ZNF536: variants seen among roughly 807,000 people sequenced by gnomAD.
The protein encoded by ZNF536 is zinc finger protein 536.
A neutral mutation model predicts 84.5 loss-of-function variants in ZNF536; 13 were observed. The ratio of observed to expected loss-of-function variants is 0.15; its 90% CI spans 0.10 to 0.24. The LOEUF (loss-of-function observed/expected upper bound fraction) is 0.24, where lower values mean the gene tolerates loss of function less well. ZNF536 is among the 10% of genes least tolerant of loss of function. The pLI is 1.00. For synonymous variants in ZNF536, 811 were observed against 742.5 expected, an observed-to-expected ratio of 1.09 and a Z score of -1.50; for missense variants, 1,536 against 1,747.5, an observed-to-expected ratio of 0.88 and a Z score of 2.16.
chr19:30,264,093 T>C (rs1173214415), intron 1 of ZNF536, among the ~76,000 whole-genome samples: 1 of 152,228 alleles, frequency 6.6e-6, no homozygotes, highest in African/African-American at 2.4e-5. Context: ...CAGCTCTGTG[T>C]TGACTTCTAA....
intron 1 of ZNF536, among the ~76,000 whole-genome samples, chr19:30,599,647 A>G (rs1000009871): frequency 6.6e-6 from 1 of 151,964 alleles, no homozygotes; most frequent in Non-Finnish European, 1.5e-5. Context: ...CTCCCTTTAC[A>G]AGACAAGGCA....
chr19:30,238,895 G>A (rs977539671), intron 1 of ZNF536, among the ~76,000 whole-genome samples: 3 of 152,052 alleles, frequency 2.0e-5, no homozygotes, highest in Admixed American at 6.6e-5. Context: ...GCATACTGGT[G>A]TATATTCAAG....
chr19:30,549,475 A>C lies in ZNF536; in HGVS notation c.3856A>C (p.Thr1286Pro), dbSNP rs1257346923. ...AGCCTTTAACGGACTTGCAAGTAGC[A>C]CAGCAAATTCTGGATGTATCAAGAG... ...LAAFNGLASS[T>P]ANSGCIKRPD... The change falls in exon 4 of 5, where the codon ACA becomes CCA. Residue 1286 changes from threonine to proline, a missense_variant. By Grantham distance (38) the Thr-to-Pro change is conservative (BLOSUM62 -1). Transcript: ENST00000355537. 1.6e-5 allele frequency: 24 copies of C among 1,518,782 alleles called. No homozygotes were observed. The highest frequency in any genetic ancestry group is 1.9e-5 in the Non-Finnish European group (22 of 1,134,112). The allele number at this position is 1,518,782 out of a possible 1,614,324, so 94.1% of individuals were successfully genotyped here. A position where few individuals can be genotyped will look rare whatever the true frequency, so the allele number is the denominator to read the frequency against.
intron 1 of ZNF536, among the ~76,000 whole-genome samples, chr19:30,442,224 C>T (rs1181711393): frequency 6.6e-6 from 1 of 152,218 alleles, no homozygotes; most frequent in Non-Finnish European, 1.5e-5. Context: ...CTGAGCTCCC[C>T]ACGTGCTCCA....
At chr19:30,645,857 C>A (rs772299769) in intron 1 of ZNF536, among the ~76,000 whole-genome samples, 3 of 152,222 alleles carry the variant, frequency 2.0e-5, no homozygotes, top group Non-Finnish European at 4.4e-5. Context: ...TTATTCTGAC[C>A]TAGACATTCA....
intron 2 of ZNF536, among the ~76,000 whole-genome samples, chr19:30,526,342 C>T (rs1223399195): frequency 6.6e-6 from 1 of 152,224 alleles, no homozygotes; most frequent in Non-Finnish European, 1.5e-5. Context: ...GATGTTGTCA[C>T]AGCAGCATCA....
intron 1 of ZNF536, among the ~76,000 whole-genome samples, chr19:30,595,402 C>T (rs2047427475): frequency 6.6e-6 from 1 of 152,124 alleles, no homozygotes; most frequent in Non-Finnish European, 1.5e-5. Context: ...GTCTTCTGGC[C>T]TCAGCCTCCC....
At chr19:30,568,632 C>A (rs1352146802) in intron 1 of ZNF536, among the ~76,000 whole-genome samples, 2 of 152,108 alleles carry the variant, frequency 1.3e-5, no homozygotes, top group African/African-American at 4.8e-5. Context: ...TTTTCCAAGG[C>A]AGACATACAG....
chr19:30,422,499 C>T (rs2051003960), intron 1 of ZNF536, among the ~76,000 whole-genome samples: 1 of 152,168 alleles, frequency 6.6e-6, no homozygotes, highest in Non-Finnish European at 1.5e-5. Context: ...CCTGCCACCT[C>T]CCTGCAAGAG....
intron 1 of ZNF536, among the ~76,000 whole-genome samples, chr19:30,704,647 C>CAA (rs970475752): frequency 0.013 from 641 of 51,034 alleles, 16 homozygotes; most frequent in African/African-American, 0.027. Flanking sequence ...GAGTCCATCT[C>CAA]AAAAAAAAAA....
intron 2 of ZNF536, among the ~76,000 whole-genome samples, chr19:30,515,881 G>C (rs956868810): frequency 1.3e-5 from 2 of 151,874 alleles, no homozygotes; most frequent in African/African-American, 2.4e-5. Flanking sequence ...GCAAAAATTA[G>C]CAGGGCGTGG....
At chr19:30,324,705 A>G (rs964643866) in intron 2 of ZNF536, among the ~76,000 whole-genome samples, 1 of 152,176 alleles carries the variant, frequency 6.6e-6, no homozygotes, top group African/African-American at 2.4e-5. Context: ...CTTGTGTTCT[A>G]ATGAGAGATT....
chr19:30,240,436 G>A (rs770419982), intron 1 of ZNF536, among the ~76,000 whole-genome samples: 1 of 152,104 alleles, frequency 6.6e-6, no homozygotes, highest in Non-Finnish European at 1.5e-5. Context: ...AGAACCCCAA[G>A]GGGACTGTAT....
chr19:30,309,663 G>A (rs969757753), intron 2 of ZNF536, among the ~76,000 whole-genome samples: 2 of 152,140 alleles, frequency 1.3e-5, no homozygotes, highest in African/African-American at 2.4e-5. Context: ...AAAAACTTTC[G>A]TAAGAACACA....
intron 1 of ZNF536, among the ~76,000 whole-genome samples, chr19:30,645,644 T>A (rs2049438268): frequency 6.6e-6 from 1 of 152,224 alleles, no homozygotes; most frequent in East Asian, 1.9e-4. Flanking sequence ...CAAATTATTC[T>A]AATACTTGCA....
intron 2 of ZNF536, among the ~76,000 whole-genome samples, chr19:30,307,351 A>G (rs2046371374): frequency 1.3e-5 from 2 of 148,892 alleles, no homozygotes; most frequent in Non-Finnish European, 3.0e-5. Flanking sequence ...GGGAACGGTG[A>G]TTAGGTGGGC....
Position 30,230,971 on chromosome 19 carries a change from C to CT in ZNF536, c.-190+2313dup, listed in dbSNP as rs58301646. The stretch of plus-strand genomic sequence containing the variant: ...TGATACTCATGAGAATATAGATGAA[C>CT]TTTTTTTTTTTTTTTATAAGAAGAG... On this transcript the variant is annotated intron_variant, in intron 1 of 5. Transcript: ENST00000585628. Among the ~76,000 whole-genome samples, 551 of 145,290 alleles carry CT rather than the reference C, an allele frequency of 3.8e-3. 3 individuals are homozygous for CT. Among genetic ancestry groups the CT allele is most frequent in the South Asian group, 9.6e-3 (43 of 4,492 alleles).
intron 3 of ZNF536, among the ~76,000 whole-genome samples, chr19:30,366,668 C>G (rs998533766): frequency 6.6e-6 from 1 of 152,100 alleles, no homozygotes; most frequent in Non-Finnish European, 1.5e-5. Flanking sequence ...TCCACTCCCT[C>G]TCTTCTCTTT....
chr19:30,525,950 C>A (rs2044556012), intron 2 of ZNF536, among the ~76,000 whole-genome samples: 1 of 152,172 alleles, frequency 6.6e-6, no homozygotes, highest in Non-Finnish European at 1.5e-5. Flanking sequence ...AAATGAGTAG[C>A]TGGTCCCTGC....
Sources: allele counts gnomAD v4.1 joint callset (sites outside exome capture counted in the v4.1 genomes callset), GRCh38; gene constraint gnomAD v4.1.1; transcripts MANE v1.5; gene names NCBI Gene and HGNC (gene_info 2026-07-23, HGNC 2026-07-21).